The following RETREG1 variants were observed in gnomAD, a reference collection of about 807,000 sequenced individuals.
RETREG1 encodes reticulophagy regulator 1, also known as family with sequence similarity 134 member B.
In RETREG1, 44 loss-of-function variants were observed where a neutral mutation model predicts 54.8. That is an observed-to-expected ratio of 0.80 (90% CI 0.63 to 1.03). The LOEUF is 1.03. Ranked by LOEUF, RETREG1 falls within the 50% of genes least tolerant of loss-of-function variation. The pLI, the probability that RETREG1 is intolerant of heterozygous loss-of-function variation, is 0.00. For missense variants in RETREG1, 554 were observed against 605.1 expected, an observed-to-expected ratio of 0.92 and a Z score of 0.89; for synonymous variants, 217 against 238.5, an observed-to-expected ratio of 0.91 and a Z score of 0.83.
intron 3 of RETREG1, among the ~76,000 whole-genome samples, chr5:16,516,420 T>C (rs1226681792): frequency 6.6e-6 from 1 of 152,194 alleles, no homozygotes; most frequent in Admixed American, 6.5e-5. Flanking sequence ...AAAAATGTTG[T>C]CTGTAGAACA....
chr5:16,478,703 A>T, intron 6 of RETREG1, 147 bp downstream of exon 6: 1 of 702,096 alleles, frequency 1.4e-6, no homozygotes, highest in Non-Finnish European at 2.4e-6. Flanking sequence ...TAGGAAAAGG[A>T]TATATATAAC....
At position 16,499,362 on chromosome 5, in the gene RETREG1, A is replaced by G. The variant is rs114471340; in HGVS notation, c.459-15890T>C. Among the ~76,000 whole-genome samples the G allele has an allele frequency of 7.3e-3, 1,110 of 152,358 alleles. 16 individuals carry two copies. The highest frequency in any genetic ancestry group is 0.024 in the African/African-American group (1,005 of 41,576). On this transcript the variant is annotated intron_variant, in intron 3 of 8. Coordinates refer to ENST00000306320, the MANE Select transcript of RETREG1 (RefSeq NM_001034850.3). ...ATGTTATAAGCTACTCCAGAAACAT[A>G]TATGTGCCATATAATTTGCGATTCC...
intron 6 of RETREG1, 96 bp downstream of exon 6, chr5:16,478,754 G>T: frequency 8.6e-7 from 1 of 1,167,382 alleles, no homozygotes; most frequent in Non-Finnish European, 1.3e-6. Context: ...TTAGTAAAAA[G>T]CTAAAAGTAT....
At chr5:16,510,818 CAAAAAAAAAAAAA>C (rs57713373) in intron 3 of RETREG1, among the ~76,000 whole-genome samples, 3 of 75,714 alleles carry the variant, frequency 4.0e-5, no homozygotes, top group African/African-American at 5.7e-5. Flanking sequence ...ACAACAACAA[CAAAAAAAAAAAAA>C]AAAAAAAAAA....
intron 1 of RETREG1, among the ~76,000 whole-genome samples, chr5:16,584,091 T>A (rs1020798961): frequency 4.6e-5 from 7 of 151,678 alleles, no homozygotes; most frequent in African/African-American, 1.7e-4. Context: ...AGCTAAGCTA[T>A]GAGGACACGA....
chr5:16,573,431 C>T (rs1436567319), intron 1 of RETREG1, among the ~76,000 whole-genome samples: 1 of 152,016 alleles, frequency 6.6e-6, no homozygotes, highest in African/African-American at 2.4e-5. Flanking sequence ...AGTTAATTGG[C>T]CAAGCTGCCA....
At chr5:16,598,680 A>C (rs184396378) in intron 1 of RETREG1, among the ~76,000 whole-genome samples, 2 of 152,262 alleles carry the variant, frequency 1.3e-5, no homozygotes, top group African/African-American at 4.8e-5. Flanking sequence ...GCTGCTTTCC[A>C]TGTCATCTCT....
Position 16,606,303 on chromosome 5 carries a change from CCTT to C in RETREG1, c.320+10346_320+10348del, listed in dbSNP as rs151016414. On this transcript the variant is annotated intron_variant, in intron 1 of 8. Transcript: ENST00000306320. The stretch of plus-strand genomic sequence containing the variant: ...TGGAACTCCCCTCTGCTGCCACTCT[CCTT>C]CTCAAGGTGCTCTTTCTGGTCACCC... Among the ~76,000 whole-genome samples the C allele has an allele frequency of 5.1e-3, 770 of 152,324 alleles. 8 individuals carry two copies. The highest frequency in any genetic ancestry group is 0.018 in the African/African-American group (731 of 41,558).
At position 16,474,689 on chromosome 5, in the gene RETREG1, G is replaced by GAAATTTTTTTGGTTTTTTTTTTTTTTT; in HGVS notation, c.*51_*52insAAAAAAAAAAAAAAACCAAAAAAATTT. 1 of 1,096,482 alleles carries GAAATTTTTTTGGTTTTTTTTTTTTTTT rather than the reference G, an allele frequency of 9.1e-7. No homozygotes were observed. The highest frequency in any genetic ancestry group is 1.2e-6 in the Non-Finnish European group (1 of 841,780). The allele number at this position is 1,096,482 out of a possible 1,614,324, so 67.9% of individuals were successfully genotyped here. A position where few individuals can be genotyped will look rare whatever the true frequency, so the allele number is the denominator to read the frequency against. On this transcript the variant is annotated 3_prime_UTR_variant, in exon 9 of 9. Coordinates refer to ENST00000306320, the MANE Select transcript of RETREG1 (RefSeq NM_001034850.3). ...TTTTCCTTTTTTTTTTTTTTTTCTT[G>GAAATTTTTTTGGTTTTTTTTTTTTTTT]TTTGAAATTTTTTTGGTGTTTTTTG...
At chr5:16,517,445 T>C (rs1740397142) in intron 3 of RETREG1, among the ~76,000 whole-genome samples, 1 of 152,218 alleles carries the variant, frequency 6.6e-6, no homozygotes, top group Admixed American at 6.5e-5. Flanking sequence ...ATACAGCGTA[T>C]TAATATTATT....
At chr5:16,480,865 A>C (rs1738739518) in intron 5 of RETREG1, 144 bp downstream of exon 5, 2 of 650,402 alleles carry the variant, frequency 3.1e-6, no homozygotes, top group Admixed American at 2.4e-5. Flanking sequence ...AAAATGGAGA[A>C]ACTTTGTACA....
chr5:16,538,920 G>A (rs909545879), intron 3 of RETREG1, among the ~76,000 whole-genome samples: 2 of 152,094 alleles, frequency 1.3e-5, no homozygotes, highest in Non-Finnish European at 2.9e-5. Context: ...TAGCCAGGAT[G>A]GTCTCGATCT....
intron 1 of RETREG1, among the ~76,000 whole-genome samples, chr5:16,611,390 A>T (rs1743339652): frequency 6.6e-6 from 1 of 152,124 alleles, no homozygotes; most frequent in African/African-American, 2.4e-5. Flanking sequence ...GTACCCTAGA[A>T]CTTGAATAAA....
chr5:16,616,989 GA>G lies in RETREG1; in HGVS notation c.-19del. The stretch of plus-strand genomic sequence containing the variant: ...CTCGCCATCTTCAGCTGTGCTTCCA[GA>G]CAGGGACGGGGCCGGGCGCGCGCGC... On this transcript the variant is annotated 5_prime_UTR_variant, in exon 1 of 9. Transcript: ENST00000306320. 2 of 1,357,838 alleles carry G rather than the reference GA, an allele frequency of 1.5e-6. No homozygotes were observed. The highest frequency in any genetic ancestry group is 1.9e-6 in the Non-Finnish European group (2 of 1,058,648). The allele number at this position is 1,357,838 out of a possible 1,614,324, so 84.1% of individuals were successfully genotyped here. A position where few individuals can be genotyped will look rare whatever the true frequency, so the allele number is the denominator to read the frequency against.
At chr5:16,616,444 A>C in intron 1 of RETREG1, 1 of 913,762 alleles carries the variant, frequency 1.1e-6, no homozygotes, top group Non-Finnish European at 1.6e-6. Context: ...CACACGGAGA[A>C]CGACAACTGC....
chr5:16,543,695 C>T (rs2126609121), intron 3 of RETREG1, among the ~76,000 whole-genome samples: 1 of 151,196 alleles, frequency 6.6e-6, no homozygotes, highest in Non-Finnish European at 1.5e-5. Flanking sequence ...AAAAAAACTG[C>T]CAAACTGTTT....
chr5:16,584,513 G>A (rs1742575448), intron 1 of RETREG1, among the ~76,000 whole-genome samples: 1 of 151,990 alleles, frequency 6.6e-6, no homozygotes, highest in Admixed American at 6.6e-5. Flanking sequence ...AATTGTGAAA[G>A]AAAAAAGGGT....
intron 3 of RETREG1, among the ~76,000 whole-genome samples, chr5:16,549,111 T>C (rs767006789): frequency 2.0e-5 from 3 of 152,226 alleles, no homozygotes; most frequent in Admixed American, 1.3e-4. Flanking sequence ...CAGAAATCAG[T>C]TGGCAGTATT....
At chr5:16,565,734 A>G (rs762148756) in intron 3 of RETREG1, 29 bp downstream of exon 3, 7 of 1,613,510 alleles carry the variant, frequency 4.3e-6, no homozygotes, top group Non-Finnish European at 4.2e-6. Context: ...TCCCTCCATT[A>G]AGCACAACAC....
Sources: allele counts gnomAD v4.1 joint callset (sites outside exome capture counted in the v4.1 genomes callset), GRCh38; gene constraint gnomAD v4.1.1; transcripts MANE v1.5; gene names NCBI Gene and HGNC (gene_info 2026-07-23, HGNC 2026-07-21).